NCOR1: variants seen among roughly 807,000 people sequenced by gnomAD.
The protein encoded by NCOR1 is nuclear receptor corepressor 1.
A neutral mutation model predicts 288.1 loss-of-function variants in NCOR1; 63 were observed. The ratio of observed to expected loss-of-function variants is 0.22; its 90% CI spans 0.18 to 0.27. NCOR1 has a LOEUF of 0.27. Among genes scored for constraint, NCOR1 ranks in the 10% least tolerant of loss-of-function variants. The probability of loss-of-function intolerance (pLI) is 1.00; values close to 1 mark genes in which losing one functional copy is unlikely to be tolerated. For missense variants in NCOR1, 2,397 were observed against 3,019.2 expected (o/e 0.79, Z 4.83); for synonymous variants, 1,007 against 1,065.9 (o/e 0.94, Z 1.08).
At position 16,164,982 on chromosome 17, in the gene NCOR1, T is replaced by A; in HGVS notation, c.615A>T (p.Lys205Asn). The A allele has an allele frequency of 6.4e-7, 1 of 1,569,004 alleles. No individual in the cohort carries two copies. Among genetic ancestry groups the A allele is most frequent in the Non-Finnish European group, 8.6e-7 (1 of 1,160,398 alleles). Reference sequence around the variant, plus strand: ...TATATTAAGCAAAGACATTTACTTGTTTCTTTTTCAGTTTAAGGATCTGCT... The same window carrying A: ...TATATTAAGCAAAGACATTTACTTGATTCTTTTTCAGTTTAAGGATCTGCT... The part of the protein sequence containing the change: ...VEQQILKLKK[K>N]QQQLEEEAAK... Residue 205 changes from lysine (K) to asparagine (N), a missense_variant, in exon 5 of 46, where the codon AAA (lysine) becomes AAT (asparagine). By Grantham distance (94) the Lys-to-Asn change is moderately conservative. Coordinates refer to ENST00000268712, the MANE Select transcript of NCOR1 (RefSeq NM_006311.4).
At chr17:16,106,881 ATATTTTTTTT>A (rs2068836235) in intron 19 of NCOR1, among the ~76,000 whole-genome samples, 3 of 44,676 alleles carry the variant, frequency 6.7e-5, no homozygotes, top group Admixed American at 3.4e-4. Context: ...ATATATATAT[ATATTTTTTTT>A]TTTTTTTTTT....
intron 8 of NCOR1, 186 bp downstream of exon 8, chr17:16,151,760 C>T: frequency 1.0e-6 from 1 of 1,003,642 alleles, no homozygotes; most frequent in Non-Finnish European, 1.5e-6. Flanking sequence ...GCCTCGGAAA[C>T]TCAAAGCTGT....
At chr17:16,095,507 C>G (rs2066342661) in intron 21 of NCOR1, among the ~76,000 whole-genome samples, 1 of 140,754 alleles carries the variant, frequency 7.1e-6, no homozygotes, top group African/African-American at 2.6e-5. Context: ...CAGCCCCCTG[C>G]CCGGCCAGCC....
intron 1 of NCOR1, among the ~76,000 whole-genome samples, chr17:16,211,020 C>T (rs1276824694): frequency 2.6e-5 from 4 of 152,018 alleles, no homozygotes; most frequent in Middle Eastern, 3.4e-3. Context: ...TGTGAGCCAC[C>T]GCGCCTGGCC....
chr17:16,149,323 T>A, intron 9 of NCOR1, 128 bp downstream of exon 9: 1 of 254,634 alleles, frequency 3.9e-6, no homozygotes, highest in Non-Finnish European at 7.7e-6. Context: ...ATATGGTTAC[T>A]TTCTAAATCA....
intron 15 of NCOR1, among the ~76,000 whole-genome samples, chr17:16,121,661 G>A (rs1568156094): frequency 6.6e-6 from 1 of 152,172 alleles, no homozygotes; most frequent in Non-Finnish European, 1.5e-5. Context: ...GTTGCCTCAT[G>A]TATGAAATGA....
chr17:16,085,041 A>G (rs992651936), intron 23 of NCOR1, among the ~76,000 whole-genome samples: 6 of 152,250 alleles, frequency 3.9e-5, no homozygotes, highest in African/African-American at 1.4e-4. Flanking sequence ...TTTGTAATAC[A>G]TATATCTAAC....
intron 2 of NCOR1, among the ~76,000 whole-genome samples, chr17:16,189,461 T>C (rs539659180): frequency 1.3e-5 from 2 of 151,840 alleles, no homozygotes; most frequent in South Asian, 2.1e-4. Context: ...AGGTAAACAA[T>C]AGTTGAACAC....
At chr17:16,036,391 C>T (rs926972139) in intron 44 of NCOR1, among the ~76,000 whole-genome samples, 1 of 152,166 alleles carries the variant, frequency 6.6e-6, no homozygotes, top group African/African-American at 2.4e-5. Flanking sequence ...TCTTAAGTGG[C>T]CTAGGATTTT....
rs75710880 is a variant in NCOR1, at chr17:16,067,270, A to C, written c.4741+624T>G. 4.3e-3 allele frequency among the ~76,000 whole-genome samples: 659 copies of C among 152,340 alleles called. 8 individuals are homozygous for C. Among genetic ancestry groups the C allele is most frequent in the African/African-American group, 0.015 (617 of 41,566 alleles). The stretch of plus-strand genomic sequence containing the variant: ...CTGTACTTGTTACTAGAATTATGTA[A>C]CTTAATGACATAATTTGTAAATCAA... On this transcript the variant is annotated intron_variant, in intron 32 of 45. Coordinates refer to ENST00000268712, the MANE Select transcript of NCOR1 (RefSeq NM_006311.4).
intron 3 of NCOR1, among the ~76,000 whole-genome samples, chr17:16,181,560 T>C (rs2085493375): frequency 6.6e-6 from 1 of 152,132 alleles, no homozygotes; most frequent in Non-Finnish European, 1.5e-5. Context: ...GTTAATACAA[T>C]TGTATTATAT....
intron 1 of NCOR1, among the ~76,000 whole-genome samples, chr17:16,202,889 T>C (rs1280344299): frequency 6.6e-6 from 1 of 152,148 alleles, no homozygotes; most frequent in African/African-American, 2.4e-5. Context: ...GCCTACTTTA[T>C]TTTGGTACAC....
intron 2 of NCOR1, among the ~76,000 whole-genome samples, chr17:16,193,479 C>T (rs1190933112): frequency 6.6e-6 from 1 of 152,078 alleles, no homozygotes; most frequent in Admixed American, 6.6e-5. Context: ...GTGATCCACC[C>T]ACCTCAGCCT....
intron 15 of NCOR1, chr17:16,122,487 A>T (rs932993957): frequency 6.6e-6 from 1 of 152,200 alleles, no homozygotes; most frequent in African/African-American, 2.4e-5. Context: ...ACCTCTTCTC[A>T]ATTTTCCCCG....
chr17:16,121,421 CAT>C, intron 15 of NCOR1, 152 bp from the exon 16 acceptor site: 1 of 642,170 alleles, frequency 1.6e-6, no homozygotes, highest in South Asian at 2.8e-5. Flanking sequence ...TCTGCCATAC[CAT>C]AGTTTTTAAA....
At chr17:16,088,428 G>A (rs1048905427) in intron 22 of NCOR1, among the ~76,000 whole-genome samples, 18 of 151,962 alleles carry the variant, frequency 1.2e-4, no homozygotes, top group Non-Finnish European at 2.2e-4. Context: ...GGAAAGATGC[G>A]GATTTCTGTG....
intron 35 of NCOR1, 112 bp downstream of exon 35, chr17:16,063,956 G>A (rs938548883): frequency 2.5e-5 from 34 of 1,377,644 alleles, no homozygotes; most frequent in African/African-American, 5.9e-5. Flanking sequence ...CTGTAATAAC[G>A]TTGTCTTAGA....
At chr17:16,181,567 A>G (rs980110761) in intron 3 of NCOR1, among the ~76,000 whole-genome samples, 5 of 152,176 alleles carry the variant, frequency 3.3e-5, no homozygotes, top group Non-Finnish European at 7.3e-5. Context: ...CAATTGTATT[A>G]TATTAGGGAT....
At chr17:16,134,821 A>G (rs960275493) in intron 14 of NCOR1, among the ~76,000 whole-genome samples, 1 of 152,238 alleles carries the variant, frequency 6.6e-6, no homozygotes, top group African/African-American at 2.4e-5. Flanking sequence ...TTCTAAAGAT[A>G]AAGTTATAAA....
Sources: gnomAD v4.1 joint callset for allele counts (sites outside exome capture counted in the v4.1 genomes callset) on GRCh38, gnomAD v4.1.1 for gene constraint, MANE v1.5 for transcripts, NCBI Gene and HGNC (gene_info 2026-07-23, HGNC 2026-07-21) for gene names.